The following MYO16 variants were observed in gnomAD, a reference collection of about 807,000 sequenced individuals.
MYO16 encodes unconventional myosin-XVI.
Under a neutral mutation model 205.3 loss-of-function variants are expected in MYO16, and 94 were observed. The observed-to-expected ratio is 0.46, with a 90% confidence interval of 0.39 to 0.54. The LOEUF (loss-of-function observed/expected upper bound fraction) is 0.54. Among genes scored for constraint, MYO16 ranks in the 20% least tolerant of loss-of-function variants. MYO16 has a pLI of 0.00. For synonymous variants in MYO16, 988 were observed against 954.0 expected, an observed-to-expected ratio of 1.04 and a Z score of -0.66; for missense variants, 2,315 against 2,387.5, an observed-to-expected ratio of 0.97 and a Z score of 0.63.
At chr13:108,853,331 G>A (rs1357521428) in intron 10 of MYO16, among the ~76,000 whole-genome samples, 1 of 152,208 alleles carries the variant, frequency 6.6e-6, no homozygotes, top group African/African-American at 2.4e-5. Context: ...AAAAGTACCA[G>A]TTTTTGGCTG....
chr13:109,069,387 A>G lies in MYO16; in HGVS notation c.3335+13792A>G, dbSNP rs73618336. On this transcript the variant is annotated intron_variant, in intron 27 of 34. Transcript: ENST00000457511. ...AGTCTTAGCTAAAGAGGTTCCAGAC[A>G]TCTTGGTAGAGCTGAGACACTTCAG... is the stretch of plus-strand genomic sequence containing the variant. 3.7e-3 allele frequency among the ~76,000 whole-genome samples: 558 copies of G among 152,314 alleles called. 4 individuals carry two copies. Among genetic ancestry groups the G allele is most frequent in the African/African-American group, 0.012 (505 of 41,576 alleles).
intron 28 of MYO16, among the ~76,000 whole-genome samples, chr13:109,105,401 G>T (rs1010631393): frequency 8.5e-5 from 13 of 152,214 alleles, no homozygotes; most frequent in African/African-American, 3.1e-4. Flanking sequence ...GAACCTGGGA[G>T]GTGGACGTTG....
intron 27 of MYO16, among the ~76,000 whole-genome samples, chr13:109,092,688 TAACA>T (rs1888659462): frequency 1.3e-5 from 2 of 152,208 alleles, no homozygotes; most frequent in African/African-American, 4.8e-5. Context: ...TTTACCTATG[TAACA>T]AACCTTCACA....
chr13:109,126,123 C>T (rs971828517), intron 30 of MYO16, among the ~76,000 whole-genome samples: 1 of 152,178 alleles, frequency 6.6e-6, no homozygotes, highest in Admixed American at 6.5e-5. Context: ...GAAAATGACT[C>T]TCCTTTCCCA....
chr13:109,152,773 A>G (rs1468673200), intron 32 of MYO16, among the ~76,000 whole-genome samples: 1 of 152,214 alleles, frequency 6.6e-6, no homozygotes, highest in Non-Finnish European at 1.5e-5. Flanking sequence ...CTAGGCTACA[A>G]AATATCAGAG....
chr13:108,851,322 A>C (rs971762583), intron 10 of MYO16, among the ~76,000 whole-genome samples: 1 of 152,158 alleles, frequency 6.6e-6, no homozygotes, highest in East Asian at 1.9e-4. Flanking sequence ...GGGGTTGTCT[A>C]TATGTGTGTG....
Position 109,046,916 on chromosome 13 carries a change from G to T in MYO16, c.2797G>T (p.Val933Leu), listed in dbSNP as rs1887062593. The T allele has an allele frequency of 6.3e-7, 1 of 1,599,898 alleles. No homozygotes were observed. Among genetic ancestry groups the T allele is most frequent in the Middle Eastern group, 1.7e-4 (1 of 6,018 alleles). Residue 933 changes from valine (V) to leucine (L), a missense_variant and splice_region_variant, in exon 24 of 35, where the codon GTA becomes TTA. Val to Leu is a conservative substitution (Grantham distance 32). This residue lies in a region of MYO16 where 1,213 missense variants were observed against 1,274.4 expected (regional missense o/e 0.95). Coordinates refer to ENST00000457511, the MANE Select transcript of MYO16 (RefSeq NM_001198950.3). ...ATTATGCTGCTTTCTTTTATTCTAG[G>T]TAATGTATGATGTTGTTGGGGCGAT... ...AFTIMHYAGR[V>L]MYDVVGAIEK...
upstream of MYO16, among the ~76,000 whole-genome samples, chr13:108,628,003 A>T (rs1879813555): frequency 1.3e-5 from 2 of 152,068 alleles, no homozygotes. Context: ...ATAAATTCAC[A>T]GTTATTTTAT....
At chr13:108,856,675 A>G (rs1410417433) in intron 11 of MYO16, among the ~76,000 whole-genome samples, 1 of 151,952 alleles carries the variant, frequency 6.6e-6, no homozygotes, top group Non-Finnish European at 1.5e-5. Context: ...CTGGAAGACC[A>G]TTGCCTAATT....
chr13:108,961,418 A>G (rs548822397), intron 17 of MYO16, 121 bp from the exon 18 acceptor site: 3 of 709,374 alleles, frequency 4.2e-6, no homozygotes, highest in East Asian at 5.0e-5. Context: ...GGATCTGCAA[A>G]CTCCCAACCT....
intron 27 of MYO16, among the ~76,000 whole-genome samples, chr13:109,097,819 T>G (rs1295722030): frequency 6.6e-6 from 1 of 152,190 alleles, no homozygotes; most frequent in Non-Finnish European, 1.5e-5. Context: ...AATCCATCTA[T>G]GAGAAGAAAG....
chr13:108,729,261 C>A (rs552080926), intron 4 of MYO16, among the ~76,000 whole-genome samples: 2 of 152,038 alleles, frequency 1.3e-5, no homozygotes, highest in African/African-American at 4.8e-5. Flanking sequence ...TTGAAAAAAA[C>A]TATAAAATAT....
intron 27 of MYO16, among the ~76,000 whole-genome samples, chr13:109,091,248 C>T (rs2139690469): frequency 6.6e-6 from 1 of 152,214 alleles, no homozygotes; most frequent in South Asian, 2.1e-4. Flanking sequence ...AAGGGGACAT[C>T]CTCATTCTAT....
At chr13:108,959,406 C>T (rs1412393512) in intron 17 of MYO16, among the ~76,000 whole-genome samples, 1 of 152,158 alleles carries the variant, frequency 6.6e-6, no homozygotes, top group Non-Finnish European at 1.5e-5. Flanking sequence ...TATCAGTTGC[C>T]TGGAAACAGG....
rs558071368 is a variant in MYO16, at chr13:108,975,938, C to A, written c.2369+11036C>A. ...GAGTGAGGTGGGATCAGTGGCTATT[C>A]ATTACAAAGCAGAGACATATTAAAA... On this transcript the variant is annotated intron_variant, in intron 20 of 34. Transcript: ENST00000457511. 4.6e-5 allele frequency among the ~76,000 whole-genome samples: 7 copies of A among 152,198 alleles called. No homozygotes were observed. The South Asian group carries it at 1.5e-3, about 32-fold the overall frequency.
At chr13:109,204,902 T>C (rs1004149703) in intron 34 of MYO16, among the ~76,000 whole-genome samples, 5 of 152,156 alleles carry the variant, frequency 3.3e-5, no homozygotes, top group African/African-American at 1.2e-4. Context: ...GTAGCCAAAG[T>C]GTTCACTAAA....
At chr13:108,745,435 A>G (rs1173521278) in intron 4 of MYO16, among the ~76,000 whole-genome samples, 1 of 152,174 alleles carries the variant, frequency 6.6e-6, no homozygotes, top group Non-Finnish European at 1.5e-5. Flanking sequence ...AAAGGATTTT[A>G]TCCATAAAAC....
At chr13:108,912,277 G>A (rs1183815734) in intron 16 of MYO16, among the ~76,000 whole-genome samples, 1 of 152,094 alleles carries the variant, frequency 6.6e-6, no homozygotes, top group African/African-American at 2.4e-5. Flanking sequence ...AGACATCCAG[G>A]GCTATGGATA....
At position 108,844,305 on chromosome 13, in the gene MYO16, A is replaced by G. The variant is rs779789739; in HGVS notation, c.1098-38A>G. The G allele has an allele frequency of 1.1e-5, 17 of 1,566,610 alleles. No homozygotes were observed. The South Asian group carries it at 1.8e-4, about 16-fold the overall frequency. On this transcript the variant is annotated intron_variant, in intron 9 of 34. Coordinates refer to ENST00000457511, the MANE Select transcript of MYO16 (RefSeq NM_001198950.3). ...TAATTTTCGATTGATAAAACATTAG[A>G]AAGAGACTAATTGTAGTATTGATTT...
Sources: allele counts gnomAD v4.1 joint callset (sites outside exome capture counted in the v4.1 genomes callset), GRCh38; gene constraint gnomAD v4.1.1; regional missense constraint gnomAD v4.1.1; transcripts MANE v1.5; gene names NCBI Gene and HGNC (gene_info 2026-07-23, HGNC 2026-07-21).